SAR1A: variants seen among roughly 807,000 people sequenced by gnomAD.
SAR1A encodes the protein secretion associated Ras related GTPase 1A.
In SAR1A, 6 loss-of-function variants were observed where a neutral mutation model predicts 22.6. The observed-to-expected ratio is 0.27, with a 90% CI of 0.15 to 0.52. The LOEUF is 0.52. SAR1A is among the 20% of genes least tolerant of loss of function. The pLI is 0.96. For missense variants in SAR1A, 145 were observed against 245.1 expected (o/e 0.59, Z 2.73); for synonymous variants, 70 against 82.2 (o/e 0.85, Z 0.80).
intron 5 of SAR1A, chr10:70,155,144 G>A (rs1242485022): frequency 1.9e-6 from 1 of 516,388 alleles, no homozygotes; most frequent in African/African-American, 1.9e-5. Context: ...CACAAATCCA[G>A]AAGTTAGTGA....
chr10:70,162,592 G>A (rs555575757), intron 1 of SAR1A: 1 of 152,002 alleles, frequency 6.6e-6, no homozygotes, highest in African/African-American at 2.4e-5. Flanking sequence ...ATCTGGAGGA[G>A]AGTCTAGAAT....
At chr10:70,163,669 C>T in intron 1 of SAR1A, 1 of 755,500 alleles carries the variant, frequency 1.3e-6, no homozygotes, top group Non-Finnish European at 2.5e-6. Context: ...TCTCGGAAAC[C>T]AGTAGCACTT....
At position 70,168,971 on chromosome 10, in the gene SAR1A, G is replaced by T. The variant is rs539554996; in HGVS notation, c.-17+1442C>A. 2.0e-5 allele frequency among the ~76,000 whole-genome samples: 3 copies of T among 152,156 alleles called. No individual in the cohort carries two copies. In the South Asian group the frequency reaches 6.2e-4, roughly 32 times the overall value. ...CTCCTCAGCAGCTGAAAATGGCCTT[G>T]GTGGCTCCTCTCTCCTTAAGATCTT... On this transcript the variant is annotated intron_variant, in intron 1 of 6. Transcript: ENST00000373241.
At chr10:70,170,385 C>G (rs1030457235) in intron 1 of SAR1A, 28 bp downstream of exon 1, 4 of 151,718 alleles carry the variant, frequency 2.6e-5, no homozygotes, top group African/African-American at 9.7e-5. Context: ...GCCCCAACTC[C>G]CCTCCCCGAC....
At chr10:70,169,481 A>AT (rs1839596489) in intron 1 of SAR1A, among the ~76,000 whole-genome samples, 2 of 152,248 alleles carry the variant, frequency 1.3e-5, no homozygotes, top group African/African-American at 4.8e-5. Flanking sequence ...ACAAAACACT[A>AT]TTAATGTACC....
intron 1 of SAR1A, among the ~76,000 whole-genome samples, chr10:70,166,996 T>C (rs1438262655): frequency 6.6e-6 from 1 of 152,030 alleles, no homozygotes; most frequent in African/African-American, 2.4e-5. Flanking sequence ...CAAGACCCTG[T>C]CTCAAGAAAC....
At chr10:70,155,991 C>T (rs559470799) in intron 5 of SAR1A, among the ~76,000 whole-genome samples, 6 of 152,172 alleles carry the variant, frequency 3.9e-5, no homozygotes, top group Non-Finnish European at 7.4e-5. Flanking sequence ...TTCCTTCTAG[C>T]ATTATGGTGC....
At chr10:70,161,497 C>T (rs1361061798) in intron 3 of SAR1A, 122 bp downstream of exon 3, 1 of 1,164,808 alleles carries the variant, frequency 8.6e-7, no homozygotes, top group East Asian at 2.5e-5. Flanking sequence ...AGGGAACTTT[C>T]TCGTATGAGT....
intron 1 of SAR1A, chr10:70,162,655 T>G (rs567319381): frequency 2.0e-5 from 3 of 152,174 alleles, no homozygotes; most frequent in Non-Finnish European, 2.9e-5. Context: ...TCTATGATAC[T>G]CAGAGAACTA....
intron 4 of SAR1A, 22 bp from the exon 5 acceptor site, chr10:70,157,889 T>C: frequency 6.7e-7 from 1 of 1,487,950 alleles, no homozygotes; most frequent in South Asian, 1.1e-5. Context: ...AGTTTGTAGT[T>C]GCATGAGTAA....
chr10:70,164,154 T>C, intron 1 of SAR1A: 1 of 681,908 alleles, frequency 1.5e-6, no homozygotes, highest in Non-Finnish European at 2.7e-6. Flanking sequence ...ATGTGTTAAA[T>C]TTCTTGCACA....
intron 1 of SAR1A, chr10:70,163,643 T>C: frequency 1.4e-6 from 1 of 733,092 alleles, no homozygotes. Context: ...GCGAGCAGAG[T>C]GGTTGTGTGG....
chr10:70,161,393 A>T, intron 3 of SAR1A: 1 of 592,414 alleles, frequency 1.7e-6, no homozygotes, highest in South Asian at 2.1e-5. Flanking sequence ...AAGTAGGTAT[A>T]GGAGAGGTGT....
chr10:70,152,141 T>C lies in SAR1A; in HGVS notation c.*335A>G, dbSNP rs564775237. 1.4e-4 allele frequency: 41 copies of C among 288,712 alleles called. No homozygotes were observed. The highest frequency in any genetic ancestry group is 1.2e-3 in the East Asian group (16 of 12,842). 17.9% of individuals were successfully genotyped at this position (288,712 alleles called of 1,614,324 possible). ...CATTAACAACGCTTTCTTTAAAAAATAGAATCACTTTCTTTTGAATCAACC... is the reference window on the plus strand; with the variant it reads ...CATTAACAACGCTTTCTTTAAAAAACAGAATCACTTTCTTTTGAATCAACC... On this transcript the variant is annotated 3_prime_UTR_variant, in exon 7 of 7. Coordinates refer to ENST00000373241, the MANE Select transcript of SAR1A (RefSeq NM_020150.5).
At chr10:70,156,181 G>T (rs1256384188) in intron 5 of SAR1A, among the ~76,000 whole-genome samples, 1 of 152,122 alleles carries the variant, frequency 6.6e-6, no homozygotes. Context: ...CTAGAGGAGA[G>T]AAATGCATTT....
rs745738625 is a variant in SAR1A, at chr10:70,149,709, A to G, written c.*2767T>C. 1 of 151,752 alleles carries G rather than the reference A, an allele frequency of 6.6e-6. No homozygotes were observed. Among genetic ancestry groups the G allele is most frequent in the Non-Finnish European group, 1.5e-5 (1 of 67,948 alleles). 9.4% of individuals were successfully genotyped at this position (151,752 alleles called of 1,614,324 possible). A position where few individuals can be genotyped will look rare whatever the true frequency, so the allele number is the denominator to read the frequency against. On this transcript the variant is annotated 3_prime_UTR_variant, in exon 7 of 7. Transcript: ENST00000373241. ...GCTGGGAGCTACTCCATGTACCACA[A>G]TGCCCAGCTAATTTTTTTGTATTTT...
chr10:70,161,818 C>A (rs769833884), intron 2 of SAR1A, 40 bp downstream of exon 2: 1 of 1,613,118 alleles, frequency 6.2e-7, no homozygotes. Context: ...GAGGGAAAGG[C>A]ACAAACTTTG....
At position 70,158,728 on chromosome 10, in the gene SAR1A, CTTTTA is replaced by C. The variant is rs201711697; in HGVS notation, c.245-866_245-862del. Among the ~76,000 whole-genome samples the C allele has an allele frequency of 7.6e-3, 969 of 127,136 alleles. 10 individuals carry two copies. The highest frequency in any genetic ancestry group is 0.027 in the South Asian group (115 of 4,252). The allele number at this position is 127,136 out of a possible 152,430, so 83.4% of individuals were successfully genotyped here. ...ATTTTGTTACATCGAACTTGCTCTC[CTTTTA>C]TAAGTTAAAATTTTTAAGTTATACA... On this transcript the variant is annotated intron_variant, in intron 4 of 6. Coordinates refer to ENST00000373241, the MANE Select transcript of SAR1A (RefSeq NM_020150.5).
chr10:70,163,243 A>T (rs1839500519), intron 1 of SAR1A, among the ~76,000 whole-genome samples: 1 of 152,252 alleles, frequency 6.6e-6, no homozygotes, highest in African/African-American at 2.4e-5. Context: ...GATAAAAAAT[A>T]ATAATAAAAT....
Sources: gnomAD v4.1 joint callset for allele counts (sites outside exome capture counted in the v4.1 genomes callset) on GRCh38, gnomAD v4.1.1 for gene constraint, MANE v1.5 for transcripts, NCBI Gene and HGNC (gene_info 2026-07-23, HGNC 2026-07-21) for gene names.